Variants in NCAM2 observed in about 807,000 individuals in gnomAD.
NCAM2 encodes N-CAM-2.
NCAM2 carries 30 observed loss-of-function variants against 98.1 expected under a neutral mutation model. That is an observed-to-expected ratio of 0.31 (90% confidence interval 0.23 to 0.41). The LOEUF (loss-of-function observed/expected upper bound fraction) is 0.41. NCAM2 is among the 10% of genes least tolerant of loss of function. NCAM2 has a pLI of 1.00. For synonymous variants in NCAM2, 368 were observed against 342.4 expected, an observed-to-expected ratio of 1.07 and a Z score of -0.83; for missense variants, 867 against 1,005.8, an observed-to-expected ratio of 0.86 and a Z score of 1.87.
chr21:21,440,740 AAAAAG>A (rs1330233566), intron 12 of NCAM2, among the ~76,000 whole-genome samples: 19 of 152,166 alleles, frequency 1.2e-4, no homozygotes, highest in East Asian at 3.9e-4. Flanking sequence ...GAGAAAAAGA[AAAAAG>A]AAAAGAAAAA....
At chr21:21,310,446 AAAGAG>A (rs1463087583) in intron 5 of NCAM2, among the ~76,000 whole-genome samples, 4 of 152,304 alleles carry the variant, frequency 2.6e-5, no homozygotes, top group Non-Finnish European at 2.9e-5. Context: ...TGATTTAAAG[AAAGAG>A]AAGAGTCTGA....
intron 1 of NCAM2, among the ~76,000 whole-genome samples, chr21:21,047,428 T>G (rs961254370): frequency 6.6e-6 from 1 of 152,188 alleles, no homozygotes; most frequent in African/African-American, 2.4e-5. Context: ...ATTGACAGGT[T>G]TTTTTGCTTG....
chr21:21,371,253 G>A (rs2075908257), intron 8 of NCAM2, among the ~76,000 whole-genome samples: 1 of 151,736 alleles, frequency 6.6e-6, no homozygotes, highest in African/African-American at 2.4e-5. Flanking sequence ...GTTTTGAGAA[G>A]GTAGTTTGGA....
At chr21:21,316,390 A>G (rs185171390) in intron 5 of NCAM2, among the ~76,000 whole-genome samples, 10 of 152,230 alleles carry the variant, frequency 6.6e-5, no homozygotes, top group African/African-American at 2.4e-4. Flanking sequence ...AAAAACATGC[A>G]ATAATAACTT....
chr21:21,131,403 A>G (rs922087286), intron 1 of NCAM2, among the ~76,000 whole-genome samples: 1 of 151,974 alleles, frequency 6.6e-6, no homozygotes, highest in Non-Finnish European at 1.5e-5. Flanking sequence ...CCTCCCTAGT[A>G]GCTGGGATTA....
chr21:21,267,095 T>A (rs759497015), intron 1 of NCAM2, among the ~76,000 whole-genome samples: 2 of 152,090 alleles, frequency 1.3e-5, no homozygotes, highest in African/African-American at 4.8e-5. Context: ...GGGGAAGCAG[T>A]TGGGAAAAGA....
At chr21:21,153,796 C>T (rs1194737701) in intron 1 of NCAM2, among the ~76,000 whole-genome samples, 1 of 151,658 alleles carries the variant, frequency 6.6e-6, no homozygotes, top group Non-Finnish European at 1.5e-5. Flanking sequence ...AGGGGTTTTG[C>T]AGTAAGAGAC....
chr21:21,259,919 AACACACACACACAC>A (rs10618210), intron 1 of NCAM2, among the ~76,000 whole-genome samples: 13,532 of 141,982 alleles, frequency 0.095, 804 homozygotes, highest in African/African-American at 0.15. Flanking sequence ...AATAAGAAGC[AACACACACACACAC>A]ACACACACAC....
intron 16 of NCAM2, among the ~76,000 whole-genome samples, chr21:21,533,179 T>C (rs1989804575): frequency 6.7e-6 from 1 of 148,586 alleles, no homozygotes; most frequent in Non-Finnish European, 1.5e-5. Context: ...TTTTTTTTTT[T>C]GGTAATCCTA....
chr21:21,150,514 C>T (rs2067415778), intron 1 of NCAM2, among the ~76,000 whole-genome samples: 1 of 151,882 alleles, frequency 6.6e-6, no homozygotes, highest in Admixed American at 6.6e-5. Context: ...AGGAAATGTT[C>T]TTATATTCCT....
chr21:21,016,682 A>C (rs929294433), intron 1 of NCAM2, among the ~76,000 whole-genome samples: 1 of 150,792 alleles, frequency 6.6e-6, no homozygotes, highest in African/African-American at 2.5e-5. Context: ...GGCACTTTCC[A>C]AAAAAAAAGC....
intron 8 of NCAM2, among the ~76,000 whole-genome samples, chr21:21,342,327 A>G (rs891071346): frequency 2.6e-5 from 4 of 152,192 alleles, no homozygotes; most frequent in Non-Finnish European, 4.4e-5. Flanking sequence ...GATGGATATC[A>G]CTTGGAATCT....
At position 21,329,068 on chromosome 21, in the gene NCAM2, C is replaced by T. The variant is rs974089548; in HGVS notation, c.737+4568C>T. On this transcript the variant is annotated intron_variant, in intron 6 of 17. Transcript: ENST00000400546. ...CTCCTGGGTTCAACTGATTCTCCTG[C>T]CTCAGCCTCCTGAGTAGCTGGGACT... Among the ~76,000 whole-genome samples, 3 of 151,754 alleles carry T rather than the reference C, an allele frequency of 2.0e-5. No homozygotes were observed. The East Asian group carries it at 5.9e-4, about 30-fold the overall frequency.
intron 15 of NCAM2, among the ~76,000 whole-genome samples, chr21:21,488,256 T>G (rs2146300006): frequency 7.4e-6 from 1 of 134,522 alleles, no homozygotes; most frequent in Admixed American, 7.8e-5. Context: ...TAATATGCAA[T>G]TTGTGTCAAT....
chr21:21,257,326 A>C (rs1386432837), intron 1 of NCAM2, among the ~76,000 whole-genome samples: 1 of 152,202 alleles, frequency 6.6e-6, no homozygotes, highest in Non-Finnish European at 1.5e-5. Context: ...TAAGTAAAGA[A>C]CGAAATAAAC....
At chr21:21,303,354 T>C (rs1440837814) in intron 5 of NCAM2, among the ~76,000 whole-genome samples, 2 of 152,124 alleles carry the variant, frequency 1.3e-5, no homozygotes, top group African/African-American at 4.8e-5. Context: ...AAAAATGTCA[T>C]ATAACCGTGC....
Position 21,509,026 on chromosome 21 carries a change from A to G in NCAM2, c.2253A>G (p.Lys751=), listed in dbSNP as rs757861145. Residue 751 remains lysine (K), a synonymous_variant, in exon 16 of 18, where the codon AAA becomes AAG. Coordinates refer to ENST00000400546, the MANE Select transcript of NCAM2 (RefSeq NM_004540.5). ...AAAGTGGCTCCAGTGGCAAAAGTAA[A>G]GAACTCGAAGAAGGAAAAGCTGCAT... ...GKKSGSSGKS[K]ELEEGKAAYL... 1.2e-6 allele frequency: 2 copies of G among 1,613,570 alleles called. No individual in the cohort carries two copies. The highest frequency in any genetic ancestry group is 2.2e-5 in the East Asian group (1 of 44,854).
chr21:21,511,866 A>G (rs1265191748), intron 16 of NCAM2, among the ~76,000 whole-genome samples: 2 of 151,922 alleles, frequency 1.3e-5, no homozygotes, highest in Non-Finnish European at 2.9e-5. Context: ...CATTTTTTGT[A>G]TACTTGCTGT....
chr21:21,494,831 A>T (rs916689382), intron 15 of NCAM2, among the ~76,000 whole-genome samples: 5 of 151,854 alleles, frequency 3.3e-5, no homozygotes, highest in African/African-American at 1.2e-4. Flanking sequence ...ATTTTAAAAT[A>T]TTTATTTTTA....
Sources: allele counts gnomAD v4.1 joint callset (sites outside exome capture counted in the v4.1 genomes callset), GRCh38; gene constraint gnomAD v4.1.1; transcripts MANE v1.5; gene names NCBI Gene and HGNC (gene_info 2026-07-23, HGNC 2026-07-21).